Variants in FGF18 observed in about 807,000 individuals in gnomAD.
FGF18 encodes the protein fibroblast growth factor 18.
A neutral mutation model predicts 23.0 loss-of-function variants in FGF18; 5 were observed. The ratio of observed to expected loss-of-function variants is 0.22; its 90% CI spans 0.11 to 0.46. FGF18 has a LOEUF of 0.46. Ranked by LOEUF, FGF18 falls within the 20% of genes least tolerant of loss-of-function variation. The pLI is 0.99. For synonymous variants in FGF18, 117 were observed against 118.9 expected (o/e 0.98, Z 0.10); for missense variants, 180 against 291.6 (o/e 0.62, Z 2.79).
intron 4 of FGF18, among the ~76,000 whole-genome samples, chr5:171,449,681 G>T (rs1050114572): frequency 2.0e-5 from 3 of 152,150 alleles, no homozygotes; most frequent in Non-Finnish European, 2.9e-5. Flanking sequence ...TTTAACAATT[G>T]CCAGGGGCTT....
intron 3 of FGF18, among the ~76,000 whole-genome samples, chr5:171,437,896 G>A (rs896844930): frequency 6.6e-5 from 10 of 152,082 alleles, no homozygotes; most frequent in Non-Finnish European, 1.0e-4. Context: ...GACAGGAGGC[G>A]GGAGCTCGAG....
chr5:171,420,593 C>G, intron 2 of FGF18, 150 bp downstream of exon 2: 1 of 741,488 alleles, frequency 1.3e-6, no homozygotes, highest in Non-Finnish European at 2.2e-6. Flanking sequence ...AGGGCGGCTC[C>G]GCGTGCGCCC....
Position 171,440,024 on chromosome 5 carries a change from G to A in FGF18, c.250+3751G>A, listed in dbSNP as rs1229942177. On this transcript the variant is annotated intron_variant, in intron 3 of 4. Coordinates refer to ENST00000274625, the MANE Select transcript of FGF18 (RefSeq NM_003862.3). This position sits in a 1 kb window ranked among gnomAD's most constrained non-coding sequence, Gnocchi z 4.0. ...AGATGGTATTTGGAGGATTGAGCTT[G>A]TCAGCTCAGGAATCTAATGGGATTT... Among the ~76,000 whole-genome samples, 2 of 152,220 alleles carry A rather than the reference G, an allele frequency of 1.3e-5. No individual in the cohort carries two copies. Among genetic ancestry groups the A allele is most frequent in the Non-Finnish European group, 2.9e-5 (2 of 68,044 alleles).
intron 2 of FGF18, among the ~76,000 whole-genome samples, chr5:171,423,805 G>A (rs1412281945): frequency 8.6e-6 from 1 of 116,770 alleles, no homozygotes; most frequent in Non-Finnish European, 1.6e-5. Context: ...TTTGTGCTCT[G>A]TCACCCAGGC....
At chr5:171,455,571 A>G (rs1368280582) in intron 4 of FGF18, among the ~76,000 whole-genome samples, 1 of 152,198 alleles carries the variant, frequency 6.6e-6, no homozygotes, top group Non-Finnish European at 1.5e-5. Context: ...TGATGTGACC[A>G]GGACGTAGTT....
intron 2 of FGF18, among the ~76,000 whole-genome samples, chr5:171,426,568 C>T (rs372802233): frequency 2.0e-5 from 3 of 152,208 alleles, no homozygotes; most frequent in Non-Finnish European, 2.9e-5. Context: ...TTTGCTCTGA[C>T]GTCTCAGTGG....
At chr5:171,444,405 T>G (rs1172304982) in intron 3 of FGF18, among the ~76,000 whole-genome samples, 1 of 152,246 alleles carries the variant, frequency 6.6e-6, no homozygotes, top group Non-Finnish European at 1.5e-5. Context: ...ACAATAGTTC[T>G]AACCTCCTGG....
intron 2 of FGF18, among the ~76,000 whole-genome samples, chr5:171,425,663 T>C (rs1199749459): frequency 1.3e-5 from 2 of 151,956 alleles, no homozygotes; most frequent in Non-Finnish European, 2.9e-5. Context: ...CCCGAGTAGC[T>C]GGGACTACAG....
chr5:171,431,365 A>C (rs1353370083), intron 2 of FGF18, among the ~76,000 whole-genome samples: 1 of 152,142 alleles, frequency 6.6e-6, no homozygotes, highest in East Asian at 1.9e-4. Flanking sequence ...ATGGCATCAC[A>C]TTTTGTGTTA....
At position 171,436,892 on chromosome 5, in the gene FGF18, C is replaced by G. The variant is rs928331287; in HGVS notation, c.250+619C>G. On this transcript the variant is annotated intron_variant, in intron 3 of 4. Coordinates refer to ENST00000274625, the MANE Select transcript of FGF18 (RefSeq NM_003862.3). The surrounding 1 kb of genome is among the most constrained non-coding windows in gnomAD (Gnocchi z 4.4). ...GCTGGGAGGAGTGAGACATCCCAAG[C>G]CCCTGGTCCACAAAGGTGCTCAGCA... 6.6e-6 allele frequency among the ~76,000 whole-genome samples: 1 copy of G among 152,220 alleles called. No individual in the cohort carries two copies. The highest frequency in any genetic ancestry group is 6.5e-5 in the Admixed American group (1 of 15,282).
chr5:171,428,152 A>G (rs1772125101), intron 2 of FGF18, among the ~76,000 whole-genome samples: 2 of 152,156 alleles, frequency 1.3e-5, no homozygotes, highest in Non-Finnish European at 2.9e-5. Flanking sequence ...GGGTTCCTGG[A>G]AGTCAAAGGG....
Position 171,451,155 on chromosome 5 carries a change from C to A in FGF18, c.357+1902C>A. ...TTTCCTGCCCCCTCGCCCTCTCTCC[C>A]GTCATTAATATTGGTGACGGTTCAG... On this transcript the variant is annotated intron_variant, in intron 4 of 4. Coordinates refer to ENST00000274625, the MANE Select transcript of FGF18 (RefSeq NM_003862.3). This position sits in a 1 kb window ranked among gnomAD's most constrained non-coding sequence, Gnocchi z 4.5. 6.6e-6 allele frequency among the ~76,000 whole-genome samples: 1 copy of A among 151,972 alleles called. No individual in the cohort carries two copies. The highest frequency in any genetic ancestry group is 1.9e-4 in the East Asian group (1 of 5,130).
At chr5:171,433,208 G>C (rs1044946123) in intron 2 of FGF18, among the ~76,000 whole-genome samples, 4 of 152,184 alleles carry the variant, frequency 2.6e-5, no homozygotes, top group Non-Finnish European at 5.9e-5. Context: ...CCCGCATCCT[G>C]GGGAAGTGCC....
At chr5:171,448,067 G>A (rs1772444142) in intron 3 of FGF18, among the ~76,000 whole-genome samples, 1 of 152,218 alleles carries the variant, frequency 6.6e-6, no homozygotes, top group African/African-American at 2.4e-5. Flanking sequence ...ATGTGGGCTG[G>A]TGGAGTGAGA....
At chr5:171,453,274 G>A (rs1420938008) in intron 4 of FGF18, among the ~76,000 whole-genome samples, 2 of 152,166 alleles carry the variant, frequency 1.3e-5, no homozygotes, top group African/African-American at 4.8e-5. Context: ...TTTGCCTGAG[G>A]TCACGCAGGG....
intron 2 of FGF18, among the ~76,000 whole-genome samples, chr5:171,435,273 G>A (rs553887562): frequency 6.6e-6 from 1 of 152,308 alleles, no homozygotes; most frequent in Admixed American, 6.5e-5. Context: ...ATTGGGTTTG[G>A]TAGAAGAGAG....
intron 2 of FGF18, among the ~76,000 whole-genome samples, chr5:171,426,065 G>C: frequency 6.6e-6 from 1 of 152,168 alleles, no homozygotes; most frequent in East Asian, 1.9e-4. Context: ...GTGTGACCTC[G>C]GGCAAGTTAC....
chr5:171,431,465 A>G (rs980110122), intron 2 of FGF18, among the ~76,000 whole-genome samples: 2 of 151,602 alleles, frequency 1.3e-5, no homozygotes, highest in African/African-American at 4.9e-5. Context: ...GGGCCGGGGG[A>G]CCTTGGAAGG....
chr5:171,453,514 C>G (rs755467678), intron 4 of FGF18, among the ~76,000 whole-genome samples: 2 of 152,180 alleles, frequency 1.3e-5, no homozygotes, highest in Admixed American at 6.5e-5. Flanking sequence ...CACCTTTCCC[C>G]CTTGTGGACC....
Sources: allele counts gnomAD v4.1 joint callset (sites outside exome capture counted in the v4.1 genomes callset), GRCh38; gene constraint gnomAD v4.1.1; non-coding constraint Gnocchi (gnomAD v3.1); transcripts MANE v1.5; gene names NCBI Gene and HGNC (gene_info 2026-07-23, HGNC 2026-07-21).